Variants in CHIC2 observed in about 807,000 individuals in gnomAD.
CHIC2 encodes the protein cysteine rich hydrophobic domain 2.
In CHIC2, 14 loss-of-function variants were observed where a neutral mutation model predicts 25.9. The observed-to-expected ratio is 0.54, with a 90% CI of 0.36 to 0.85. The LOEUF (loss-of-function observed/expected upper bound fraction) is 0.85. Among genes scored for constraint, CHIC2 ranks in the 40% least tolerant of loss-of-function variants. The probability of loss-of-function intolerance (pLI) is 0.01; values close to 1 mark genes in which losing one functional copy is unlikely to be tolerated. For synonymous variants in CHIC2, 70 were observed against 72.0 expected, an observed-to-expected ratio of 0.97 and a Z score of 0.14; for missense variants, 146 against 202.0, an observed-to-expected ratio of 0.72 and a Z score of 1.68.
upstream of CHIC2, among the ~76,000 whole-genome samples, chr4:54,069,355 TAAAC>T (rs1038996407): frequency 4.6e-5 from 7 of 152,136 alleles, no homozygotes; most frequent in Non-Finnish European, 1.0e-4. Context: ...GGGTTACAAA[TAAAC>T]AGCCAGATGA....
chr4:54,013,669 T>C (rs1715658035), intron 5 of CHIC2, among the ~76,000 whole-genome samples, 168 bp downstream of exon 5: 1 of 152,138 alleles, frequency 6.6e-6, no homozygotes, highest in African/African-American at 2.4e-5. Context: ...ACTTTATAAA[T>C]CAGTCTTGCA....
intron 1 of CHIC2, among the ~76,000 whole-genome samples, chr4:54,054,527 C>G (rs1001259926): frequency 1.3e-5 from 2 of 152,158 alleles, no homozygotes; most frequent in Non-Finnish European, 2.9e-5. Flanking sequence ...ACAGAAATAT[C>G]TTATAATTAA....
intron 3 of CHIC2, among the ~76,000 whole-genome samples, chr4:54,024,793 T>C (rs535562538): frequency 2.0e-5 from 3 of 152,292 alleles, no homozygotes; most frequent in Admixed American, 2.0e-4. Context: ...TTAATACCTG[T>C]TTTTCTCCTT....
intron 3 of CHIC2, among the ~76,000 whole-genome samples, chr4:54,034,313 A>G (rs1307498459): frequency 6.6e-6 from 1 of 152,008 alleles, no homozygotes; most frequent in Non-Finnish European, 1.5e-5. Flanking sequence ...CTAAGGCAGG[A>G]GAATCGCTTG....
intron 3 of CHIC2, among the ~76,000 whole-genome samples, chr4:54,026,519 C>CA (rs1004006955): frequency 3.6e-4 from 54 of 148,392 alleles, no homozygotes; most frequent in African/African-American, 1.1e-3. Context: ...GACTCTGTCT[C>CA]AAAAAAAAAG....
chr4:54,048,999 T>G lies in CHIC2; in HGVS notation c.286A>C (p.Thr96Pro). ...LLCGCLCCCC[T>P]LGCSMWPVIC... ...ACTGGCCACATACTGCAACCTAATGTGCAGCAGCAACAAAGGCAGCCACAA... is the reference window on the plus strand; with the variant it reads ...ACTGGCCACATACTGCAACCTAATGGGCAGCAGCAACAAAGGCAGCCACAA... The change falls in exon 3 of 6, where the codon ACA becomes CCA. Residue 96 changes from threonine (T) to proline (P), a missense_variant. By Grantham distance (38) the Thr-to-Pro change is conservative. Coordinates refer to ENST00000263921, the MANE Select transcript of CHIC2 (RefSeq NM_012110.4). 6.2e-7 allele frequency: 1 copy of G among 1,604,662 alleles called. No homozygotes were observed. The highest frequency in any genetic ancestry group is 8.5e-7 in the Non-Finnish European group (1 of 1,174,388).
At chr4:54,043,410 G>C (rs1046655006) in intron 3 of CHIC2, among the ~76,000 whole-genome samples, 4 of 132,296 alleles carry the variant, frequency 3.0e-5, no homozygotes, top group African/African-American at 1.2e-4. Context: ...AACAGAGTGA[G>C]ACTCCATTTC....
the CHIC2 span, among the ~76,000 whole-genome samples, chr4:54,084,959 CAAA>C: frequency 1.0e-3 from 61 of 58,924 alleles, no homozygotes; most frequent in Admixed American, 1.5e-3. Context: ...TGCTCTGTCT[CAAA>C]AAAAAAAAAA....
intron 3 of CHIC2, among the ~76,000 whole-genome samples, chr4:54,044,485 TAAGA>T (rs1716705224): frequency 6.6e-6 from 1 of 152,178 alleles, no homozygotes; most frequent in Non-Finnish European, 1.5e-5. Flanking sequence ...AACTCAGGAT[TAAGA>T]AACTCACTCA....
intron 3 of CHIC2, among the ~76,000 whole-genome samples, chr4:54,044,226 A>C (rs1716694910): frequency 6.6e-6 from 1 of 152,226 alleles, no homozygotes. Flanking sequence ...CCCACTGTCA[A>C]CATTAGACAG....
intron 5 of CHIC2, among the ~76,000 whole-genome samples, chr4:54,012,748 T>G (rs1715632908): frequency 6.6e-6 from 1 of 152,290 alleles, no homozygotes; most frequent in East Asian, 1.9e-4. Flanking sequence ...CATCATACAT[T>G]AACATGTTTG....
the CHIC2 span, among the ~76,000 whole-genome samples, chr4:54,080,942 G>GTGTA: frequency 3.5e-4 from 35 of 101,120 alleles, no homozygotes; most frequent in East Asian, 8.4e-4. Context: ...ATGTGTGTGT[G>GTGTA]TATATATATA....
chr4:54,073,481 C>T, the CHIC2 span, among the ~76,000 whole-genome samples: 2 of 152,210 alleles, frequency 1.3e-5, no homozygotes, highest in African/African-American at 4.8e-5. Context: ...GGAAGCCACT[C>T]ACCATGTCAT....
intron 1 of CHIC2, among the ~76,000 whole-genome samples, chr4:54,054,903 A>T (rs1717126230): frequency 6.6e-6 from 1 of 152,190 alleles, no homozygotes; most frequent in South Asian, 2.1e-4. Flanking sequence ...ACTGAAGCCA[A>T]TAGTAAGCAG....
At chr4:54,073,356 G>C in the CHIC2 span, among the ~76,000 whole-genome samples, 2,187 of 152,316 alleles carry the variant, frequency 0.014, 48 homozygotes, top group African/African-American at 0.049. Context: ...ACACTGAATA[G>C]AGGTGACCTG....
upstream of CHIC2, among the ~76,000 whole-genome samples, chr4:54,069,098 T>C (rs550205672): frequency 1.2e-4 from 18 of 152,290 alleles, no homozygotes; most frequent in Admixed American, 2.6e-4. Context: ...ACAATCACCA[T>C]TCACTGCAGC....
the CHIC2 span, among the ~76,000 whole-genome samples, chr4:54,085,408 A>G: frequency 6.6e-6 from 1 of 152,228 alleles, no homozygotes; most frequent in East Asian, 1.9e-4. Flanking sequence ...AATTAGGGAC[A>G]CTGTCTTGCT....
the CHIC2 span, among the ~76,000 whole-genome samples, chr4:54,073,747 G>A: frequency 6.6e-6 from 1 of 152,180 alleles, no homozygotes; most frequent in African/African-American, 2.4e-5. Flanking sequence ...AGCAATAGAT[G>A]ACTAATACAG....
chr4:54,043,218 G>A (rs1043989194), intron 3 of CHIC2, among the ~76,000 whole-genome samples: 10 of 152,066 alleles, frequency 6.6e-5, no homozygotes, highest in South Asian at 2.1e-4. Context: ...TCAGGAGATT[G>A]AGACCATCCT....
Sources: gnomAD v4.1 joint callset for allele counts (sites outside exome capture counted in the v4.1 genomes callset) on GRCh38, gnomAD v4.1.1 for gene constraint, MANE v1.5 for transcripts, NCBI Gene and HGNC (gene_info 2026-07-23, HGNC 2026-07-21) for gene names.